PLCXD1: variants seen among roughly 807,000 people sequenced by gnomAD.
PLCXD1 encodes the protein phosphatidylinositol specific phospholipase C X domain containing 1.
In PLCXD1, 45 loss-of-function variants were observed where a neutral mutation model predicts 37.8. The ratio of observed to expected loss-of-function variants is 1.19; its 90% CI spans 0.94 to 1.53. PLCXD1 has a LOEUF of 1.53. PLCXD1 is among the 40% of genes most tolerant of loss of function. The pLI, the probability that PLCXD1 is intolerant of heterozygous loss-of-function variation, is 0.00. For synonymous variants in PLCXD1, 246 were observed against 206.9 expected, an observed-to-expected ratio of 1.19 and a Z score of -1.62; for missense variants, 539 against 454.7, an observed-to-expected ratio of 1.19 and a Z score of -1.69.
At chrX:281,802 A>T (rs748518667) in intron 1 of PLCXD1, 118 bp downstream of exon 1, 1 of 152,186 alleles carries the variant, frequency 6.6e-6, no homozygotes, top group African/African-American at 2.4e-5. Context: ...TTTGTCACCC[A>T]GGCTGGAGTG....
intron 1 of PLCXD1, chrX:283,959 G>A (rs2124318311): frequency 1.9e-6 from 1 of 527,084 alleles, no homozygotes; most frequent in African/African-American, 1.9e-5. Flanking sequence ...TCCGCTCACT[G>A]TAACCTCCAC....
At position 284,150 on chromosome X, in the gene PLCXD1, C is replaced by T; in HGVS notation, c.-21-17C>T. On this transcript the variant is annotated splice_polypyrimidine_tract_variant and intron_variant, in intron 1 of 6. Coordinates refer to ENST00000381657, the MANE Select transcript of PLCXD1 (RefSeq NM_018390.4). ...AAGTCACCGTAAAAAACCTCTTTTC[C>T]TCTTCTCCTTCCTCAGGTTGCCCAG... 1 of 1,610,048 alleles carries T rather than the reference C, an allele frequency of 6.2e-7. No individual in the cohort carries two copies. The highest frequency in any genetic ancestry group is 8.5e-7 in the Non-Finnish European group (1 of 1,177,866).
At chrX:296,202 C>G (rs943087107) in intron 6 of PLCXD1, among the ~76,000 whole-genome samples, 5 of 152,034 alleles carry the variant, frequency 3.3e-5, no homozygotes, top group African/African-American at 1.2e-4. Flanking sequence ...CTCACTGCAA[C>G]CTCCACCTCC....
intron 2 of PLCXD1, among the ~76,000 whole-genome samples, chrX:287,288 T>C (rs1458915444): frequency 1.4e-5 from 2 of 145,928 alleles, no homozygotes; most frequent in African/African-American, 2.5e-5. Flanking sequence ...CATATATTTA[T>C]ATAAATATAT....
At chrX:287,830 ATCAG>A (rs2069507481) in intron 2 of PLCXD1, among the ~76,000 whole-genome samples, 1 of 151,828 alleles carries the variant, frequency 6.6e-6, no homozygotes, top group Non-Finnish European at 1.5e-5. Context: ...AACGTCAGCC[ATCAG>A]TCAAACTCTA....
intron 2 of PLCXD1, among the ~76,000 whole-genome samples, chrX:285,137 C>A (rs746192849): frequency 2.5e-4 from 28 of 110,222 alleles, no homozygotes; most frequent in Middle Eastern, 4.9e-3. Context: ...CACACACATA[C>A]ATGCATGCAC....
intron 6 of PLCXD1, among the ~76,000 whole-genome samples, chrX:296,937 G>C (rs1222271369): frequency 4.7e-4 from 63 of 135,218 alleles, no homozygotes; most frequent in Non-Finnish European, 7.5e-4. Context: ...TCTATCACAT[G>C]GGGATTAGGA....
intron 2 of PLCXD1, among the ~76,000 whole-genome samples, chrX:285,620 CACACAT>C (rs938710302): frequency 9.9e-4 from 147 of 148,320 alleles, no homozygotes; most frequent in African/African-American, 3.5e-3. Context: ...TGTACACAGG[CACACAT>C]GCACATGCAC....
At chrX:289,821 C>T (rs1448347839) in intron 3 of PLCXD1, among the ~76,000 whole-genome samples, 7 of 152,046 alleles carry the variant, frequency 4.6e-5, no homozygotes. Context: ...GAGACAACCC[C>T]TTTCATGCCT....
chrX:285,934 A>G (rs1292108451), intron 2 of PLCXD1, among the ~76,000 whole-genome samples: 4 of 152,144 alleles, frequency 2.6e-5, no homozygotes, highest in Non-Finnish European at 5.9e-5. Context: ...AGTGCACATC[A>G]GGAGAGGGGG....
In PLCXD1 at chrX:299,413, C is replaced by T. The variant is rs2069929965; in HGVS notation, c.*78C>T. Reference sequence around the variant, plus strand: ...TCCAAGTATTGTGACTTTGTTTGGGCCAAATGTTGGTGATCATAGGACCGA... The same window carrying T: ...TCCAAGTATTGTGACTTTGTTTGGGTCAAATGTTGGTGATCATAGGACCGA... On this transcript the variant is annotated 3_prime_UTR_variant, in exon 7 of 7. Transcript: ENST00000381657. 9.7e-7 allele frequency: 1 copy of T among 1,029,320 alleles called. No individual in the cohort carries two copies. The highest frequency in any genetic ancestry group is 1.5e-6 in the Non-Finnish European group (1 of 650,296). 63.8% of individuals were successfully genotyped at this position (1,029,320 alleles called of 1,614,324 possible). A position where few individuals can be genotyped will look rare whatever the true frequency, so the allele number is the denominator to read the frequency against.
chrX:285,107 TACACACACACATGCATGCGC>T (rs918174571), intron 2 of PLCXD1, among the ~76,000 whole-genome samples: 2 of 134,636 alleles, frequency 1.5e-5, no homozygotes, highest in Non-Finnish European at 3.2e-5. Flanking sequence ...GACACATACA[TACACACACACATGCATGCGC>T]ACACACATAC....
At chrX:285,821 G>C (rs1272059567) in intron 2 of PLCXD1, among the ~76,000 whole-genome samples, 1 of 152,016 alleles carries the variant, frequency 6.6e-6, no homozygotes, top group East Asian at 1.9e-4. Context: ...ATAAGTAGGG[G>C]GTTTCCTTGA....
intron 2 of PLCXD1, 93 bp downstream of exon 2, chrX:284,407 C>T (rs1257566871): frequency 2.9e-5 from 41 of 1,430,486 alleles, no homozygotes; most frequent in Non-Finnish European, 3.7e-5. Flanking sequence ...CCAGTGGGGA[C>T]GCTGGCTGTA....
At chrX:291,939 G>A (rs748839633) in intron 5 of PLCXD1, among the ~76,000 whole-genome samples, 74 of 152,058 alleles carry the variant, frequency 4.9e-4, no homozygotes, top group African/African-American at 1.7e-3. Flanking sequence ...AGGCCGAGGC[G>A]GGTGGATCAC....
At chrX:279,304 C>G (rs2069213521), upstream of PLCXD1, among the ~76,000 whole-genome samples, 1 of 152,150 alleles carries the variant, frequency 6.6e-6, no homozygotes, top group Non-Finnish European at 1.5e-5. Flanking sequence ...CTTCTTGGCT[C>G]CTGCAGGCCA....
At chrX:288,259 C>G (rs2069519130) in intron 2 of PLCXD1, among the ~76,000 whole-genome samples, 1 of 151,870 alleles carries the variant, frequency 6.6e-6, no homozygotes. Context: ...TTGAACAGCT[C>G]TTTTGGGGAT....
intron 2 of PLCXD1, among the ~76,000 whole-genome samples, chrX:285,190 G>GCA (rs748226116): frequency 5.9e-5 from 9 of 151,682 alleles, no homozygotes; most frequent in African/African-American, 1.7e-4. Flanking sequence ...GCATATACAT[G>GCA]CACACACACA....
Position 291,523 on chromosome X carries a change from T to C in PLCXD1, c.418T>C (p.Trp140Arg), listed in dbSNP as rs1259558826. ...GGACACACTCACGGAAATCTCGGAG[T>C]GGCTGGAGCGGCATCCACGCGAGGT... ...VEDTLTEISE[W>R]LERHPREVVI... is the part of the protein sequence containing the mutation. Residue 140 changes from tryptophan to arginine, a missense_variant, in exon 5 of 7, where the codon TGG (tryptophan) becomes CGG (arginine). Transcript: ENST00000381657. 6.2e-7 allele frequency: 1 copy of C among 1,612,070 alleles called. No individual in the cohort carries two copies. Among genetic ancestry groups the C allele is most frequent in the Non-Finnish European group, 8.5e-7 (1 of 1,179,718 alleles).
Sources: allele counts gnomAD v4.1 joint callset (sites outside exome capture counted in the v4.1 genomes callset), GRCh38; gene constraint gnomAD v4.1.1; transcripts MANE v1.5; gene names NCBI Gene and HGNC (gene_info 2026-07-23, HGNC 2026-07-21).